ADAMTS6: variants seen among roughly 807,000 people sequenced by gnomAD.
The protein encoded by ADAMTS6 is ADAM metallopeptidase with thrombospondin type 1 motif 6, also known as A disintegrin and metalloproteinase with thrombospondin motifs 6.
Under a neutral mutation model 144.3 loss-of-function variants are expected in ADAMTS6, and 23 were observed. The observed-to-expected ratio is 0.16, with a 90% CI of 0.11 to 0.23. The LOEUF is 0.23. ADAMTS6 is among the 10% of genes least tolerant of loss of function. The pLI is 1.00. For synonymous variants in ADAMTS6, 444 were observed against 457.5 expected (o/e 0.97, Z 0.38); for missense variants, 999 against 1,379.6 (o/e 0.72, Z 4.37).
intron 7 of ADAMTS6, among the ~76,000 whole-genome samples, chr5:65,383,183 C>T (rs1364185466): frequency 2.6e-5 from 4 of 152,062 alleles, no homozygotes; most frequent in Admixed American, 2.6e-4. Context: ...TTTGCTCCGA[C>T]CCCACAAAAT....
intron 7 of ADAMTS6, among the ~76,000 whole-genome samples, chr5:65,433,598 C>T (rs569904653): frequency 2.6e-5 from 4 of 152,100 alleles, no homozygotes; most frequent in South Asian, 2.1e-4. Flanking sequence ...AAGTACCTTA[C>T]ATATTTCTTG....
chr5:65,209,635 A>G (rs1042368730), intron 20 of ADAMTS6, among the ~76,000 whole-genome samples: 2 of 152,232 alleles, frequency 1.3e-5, no homozygotes, highest in African/African-American at 4.8e-5. Flanking sequence ...AGAGAAAGCT[A>G]TCATTATTGC....
At chr5:65,292,610 G>A (rs1742431530) in intron 10 of ADAMTS6, among the ~76,000 whole-genome samples, 1 of 152,074 alleles carries the variant, frequency 6.6e-6, no homozygotes, top group African/African-American at 2.4e-5. Flanking sequence ...TTCACACACA[G>A]CAGCAAATTA....
intron 7 of ADAMTS6, among the ~76,000 whole-genome samples, chr5:65,404,535 C>T (rs1013445408): frequency 2.6e-5 from 4 of 152,168 alleles, no homozygotes; most frequent in Non-Finnish European, 4.4e-5. Context: ...TTTCTTAATC[C>T]AGTCTATCAT....
intron 7 of ADAMTS6, among the ~76,000 whole-genome samples, chr5:65,338,851 T>C (rs531165606): frequency 6.6e-6 from 1 of 152,218 alleles, no homozygotes; most frequent in East Asian, 1.9e-4. Context: ...ATAAACAGCC[T>C]GCCCCCAGCA....
intron 7 of ADAMTS6, among the ~76,000 whole-genome samples, chr5:65,393,643 G>A (rs1474078258): frequency 1.3e-5 from 2 of 152,132 alleles, no homozygotes; most frequent in Non-Finnish European, 2.9e-5. Context: ...ATGATTCTCT[G>A]AGCATGAATT....
At chr5:65,371,949 G>A (rs1750967720) in intron 7 of ADAMTS6, among the ~76,000 whole-genome samples, 1 of 152,142 alleles carries the variant, frequency 6.6e-6, no homozygotes, top group South Asian at 2.1e-4. Flanking sequence ...CAAGCCAGAA[G>A]AGAGTGGGCG....
In ADAMTS6 at chr5:65,175,452, A is replaced by G. The variant is rs148880567; in HGVS notation, c.2911-2444T>C. ...AAAAGCCAAGGTAAATTTAAAACCT[A>G]TAATTGATAATTAAAGGTATTCTCC... On this transcript the variant is annotated intron_variant, in intron 22 of 24. Transcript: ENST00000381055. Among the ~76,000 whole-genome samples, 438 of 152,264 alleles carry G rather than the reference A, an allele frequency of 2.9e-3. 4 individuals carry two copies. The highest frequency in any genetic ancestry group is 9.8e-3 in the African/African-American group (409 of 41,562).
At chr5:65,317,592 A>C (rs1460412245) in intron 9 of ADAMTS6, among the ~76,000 whole-genome samples, 1 of 152,210 alleles carries the variant, frequency 6.6e-6, no homozygotes, top group African/African-American at 2.4e-5. Context: ...TCTGCACAGC[A>C]AAGGAAACAA....
At chr5:65,354,611 C>T (rs1405074232) in intron 7 of ADAMTS6, among the ~76,000 whole-genome samples, 2 of 151,706 alleles carry the variant, frequency 1.3e-5, no homozygotes, top group African/African-American at 4.8e-5. Context: ...TTTGATAATA[C>T]TACTAACTTT....
At chr5:65,462,726 T>TA (rs1759716779) in intron 3 of ADAMTS6, among the ~76,000 whole-genome samples, 1 of 152,218 alleles carries the variant, frequency 6.6e-6, no homozygotes, top group Admixed American at 6.5e-5. Flanking sequence ...GTGGTAGGGA[T>TA]ACAACAGTGA....
intron 7 of ADAMTS6, among the ~76,000 whole-genome samples, chr5:65,368,734 A>G (rs899699605): frequency 1.3e-5 from 2 of 152,114 alleles, no homozygotes; most frequent in African/African-American, 4.8e-5. Context: ...TGGACTGGCT[A>G]CCTCCAAACT....
chr5:65,374,226 C>G (rs1200522155), intron 7 of ADAMTS6, among the ~76,000 whole-genome samples: 1 of 152,054 alleles, frequency 6.6e-6, no homozygotes, highest in Non-Finnish European at 1.5e-5. Flanking sequence ...TCTCACCACT[C>G]CTATTCAACA....
chr5:65,257,518 C>T (rs1210155054), intron 14 of ADAMTS6, among the ~76,000 whole-genome samples: 1 of 152,166 alleles, frequency 6.6e-6, no homozygotes, highest in African/African-American at 2.4e-5. Context: ...GAGCCCATGG[C>T]TCAGCACTTC....
intron 7 of ADAMTS6, among the ~76,000 whole-genome samples, chr5:65,381,490 G>A (rs531476814): frequency 6.1e-5 from 9 of 148,230 alleles, no homozygotes; most frequent in African/African-American, 1.2e-4. Context: ...AGCCTCCAGA[G>A]TAGCTGGGAT....
At chr5:65,234,437 A>G (rs183877779) in intron 15 of ADAMTS6, among the ~76,000 whole-genome samples, 2 of 151,746 alleles carry the variant, frequency 1.3e-5, no homozygotes, top group East Asian at 3.9e-4. Flanking sequence ...AAAATAGGCA[A>G]ATAATGTGAA....
At chr5:65,226,307 A>C (rs1388640189) in intron 15 of ADAMTS6, 88 bp from the exon 16 acceptor site, 1 of 1,357,992 alleles carries the variant, frequency 7.4e-7, no homozygotes, top group Non-Finnish European at 1.0e-6. Context: ...TTTATAATTC[A>C]CGTAGACATC....
intron 11 of ADAMTS6, among the ~76,000 whole-genome samples, chr5:65,276,353 G>A (rs374664684): frequency 8.5e-5 from 13 of 152,236 alleles, no homozygotes; most frequent in African/African-American, 3.1e-4. Context: ...ATTCTATGTT[G>A]AGGAACACTC....
At chr5:65,175,001 G>C (rs1753881046) in intron 22 of ADAMTS6, among the ~76,000 whole-genome samples, 1 of 152,154 alleles carries the variant, frequency 6.6e-6, no homozygotes, top group African/African-American at 2.4e-5. Context: ...TCAGAAGGAA[G>C]CCTGGACAGG....
Sources: gnomAD v4.1 joint callset for allele counts (sites outside exome capture counted in the v4.1 genomes callset) on GRCh38, gnomAD v4.1.1 for gene constraint, MANE v1.5 for transcripts, NCBI Gene and HGNC (gene_info 2026-07-23, HGNC 2026-07-21) for gene names.